Variants in ATG12 observed in about 807,000 individuals in gnomAD.
ATG12 encodes ubiquitin-like protein ATG12.
A neutral mutation model predicts 17.6 loss-of-function variants in ATG12; 19 were observed. The ratio of observed to expected loss-of-function variants is 1.08; its 90% confidence interval spans 0.75 to 1.58. The LOEUF is 1.58. Among genes scored for constraint, ATG12 ranks in the 40% most tolerant of loss-of-function variants. The pLI is 0.00. For synonymous variants in ATG12, 75 were observed against 62.4 expected, an observed-to-expected ratio of 1.20 and a Z score of -0.95; for missense variants, 214 against 162.0, an observed-to-expected ratio of 1.32 and a Z score of -1.74.
At chr5:115,841,222 C>A in intron 1 of ATG12, 168 bp downstream of exon 1, 1 of 844,612 alleles carries the variant, frequency 1.2e-6, no homozygotes, top group Non-Finnish European at 1.8e-6. Flanking sequence ...TAACACTCAA[C>A]TTAAAGGCCT....
intron 2 of ATG12, among the ~76,000 whole-genome samples, chr5:115,836,934 G>A (rs527860856): frequency 6.6e-6 from 1 of 152,266 alleles, no homozygotes; most frequent in Admixed American, 6.5e-5. Flanking sequence ...TTAACATGAA[G>A]TATTTCCTAG....
At chr5:115,840,647 A>C (rs757230935) in intron 1 of ATG12, 80 of 1,244,884 alleles carry the variant, frequency 6.4e-5, no homozygotes, top group Non-Finnish European at 7.6e-5. Context: ...CTAAGGACGA[A>C]ATCAGCCTCT....
At chr5:115,837,999 G>C in intron 1 of ATG12, 1 of 365,518 alleles carries the variant, frequency 2.7e-6, no homozygotes, top group Non-Finnish European at 4.9e-6. Flanking sequence ...TTAACAGGCA[G>C]TTCCAAAGAG....
chr5:115,840,489 A>C, intron 1 of ATG12: 1 of 522,146 alleles, frequency 1.9e-6, no homozygotes, highest in Non-Finnish European at 3.0e-6. Context: ...GTAGAGATGG[A>C]GTCTTACCAT....
chr5:115,838,120 C>A, intron 1 of ATG12: 1 of 188,812 alleles, frequency 5.3e-6, no homozygotes, highest in Non-Finnish European at 1.1e-5. Context: ...AGAGTAATTA[C>A]CAGTGTAGAT....
intron 3 of ATG12, among the ~76,000 whole-genome samples, chr5:115,832,256 T>C (rs1215054078): frequency 6.6e-6 from 1 of 152,144 alleles, no homozygotes; most frequent in Non-Finnish European, 1.5e-5. Context: ...TGTAGGCAGA[T>C]TTGGATAACA....
chr5:115,840,945 G>A (rs918099068), intron 1 of ATG12: 4 of 1,229,812 alleles, frequency 3.3e-6, no homozygotes, highest in Admixed American at 4.6e-5. Context: ...CTGGGAGGGG[G>A]AAAAAAGCAA....
intron 2 of ATG12, 182 bp from the exon 3 acceptor site, chr5:115,832,846 C>T: frequency 3.9e-6 from 2 of 508,524 alleles, no homozygotes; most frequent in Non-Finnish European, 6.7e-6. Context: ...ATTTTTCCTC[C>T]AGAGGAATAA....
intron 2 of ATG12, among the ~76,000 whole-genome samples, chr5:115,835,764 C>T (rs1299949065): frequency 8.5e-5 from 13 of 152,168 alleles, no homozygotes; most frequent in African/African-American, 3.1e-4. Flanking sequence ...TTTCTCAGTG[C>T]CGTCAGATGC....
Position 115,837,685 on chromosome 5 carries a change from G to A in ATG12, c.243C>T (p.Ile81=), listed in dbSNP as rs750269282. 12 of 1,613,440 alleles carry A rather than the reference G, an allele frequency of 7.4e-6. No homozygotes were observed. The South Asian group carries it at 1.3e-4, about 18-fold the overall frequency. The change falls in exon 2 of 4, where the codon ATC becomes ATT. Residue 81 remains isoleucine, a synonymous_variant. Transcript: ENST00000509910. ...TTTTGATGAAGTCAATGAGTCCTTG[G>A]ATGGTTCGTGTTCGCTCTACTGCCC... ...KKWAVERTRT[I]QGLIDFIKKF...
intron 2 of ATG12, chr5:115,834,501 C>G (rs1016389853): frequency 2.6e-5 from 4 of 152,160 alleles, no homozygotes; most frequent in Non-Finnish European, 4.4e-5. Flanking sequence ...CTTGGGCAGA[C>G]AAAATTAGTT....
intron 2 of ATG12, among the ~76,000 whole-genome samples, chr5:115,834,596 T>TA (rs1761014672): frequency 6.6e-6 from 1 of 152,214 alleles, no homozygotes; most frequent in African/African-American, 2.4e-5. Context: ...TGTCTCTAGT[T>TA]ATTCTGGTTA....
chr5:115,838,861 G>A (rs1171108724), intron 1 of ATG12: 1 of 152,280 alleles, frequency 6.6e-6, no homozygotes, highest in African/African-American at 2.4e-5. Context: ...GGCTGAGGCA[G>A]GAGGATCACT....
At position 115,829,029 on chromosome 5, in the gene ATG12, C is replaced by A. The variant is rs1445397174; in HGVS notation, c.*2775G>T. On this transcript the variant is annotated 3_prime_UTR_variant, in exon 4 of 4. Transcript: ENST00000509910. ...GAAGTAGATAACAGAAAACACAAGG[C>A]ATCTTCAAAGAATGGTGAATAATCC... is the stretch of plus-strand genomic sequence containing the variant. The A allele has an allele frequency of 2.0e-5, 3 of 152,170 alleles. No individual in the cohort carries two copies. Among genetic ancestry groups the A allele is most frequent in the African/African-American group, 7.2e-5 (3 of 41,436 alleles). 9.4% of individuals were successfully genotyped at this position (152,170 alleles called of 1,614,324 possible).
chr5:115,831,437 C>A lies in ATG12; in HGVS notation c.*367G>T. Reference sequence around the variant, plus strand: ...ATGTAAACATTAAAAAAAAAGGAACCCTTTAGTATATTAACTTTTACCATG... The same window carrying A: ...ATGTAAACATTAAAAAAAAAGGAACACTTTAGTATATTAACTTTTACCATG... On this transcript the variant is annotated 3_prime_UTR_variant, in exon 4 of 4. Coordinates refer to ENST00000509910, the MANE Select transcript of ATG12 (RefSeq NM_004707.4). 8.5e-6 allele frequency: 2 copies of A among 236,138 alleles called. No individual in the cohort carries two copies. The highest frequency in any genetic ancestry group is 5.6e-5 in the Admixed American group (1 of 17,914). The allele number at this position is 236,138 out of a possible 1,614,324, so 14.6% of individuals were successfully genotyped here.
chr5:115,841,402 T>G lies in ATG12; in HGVS notation c.151A>C (p.Thr51Pro). 1 of 1,611,818 alleles carries G rather than the reference T, an allele frequency of 6.2e-7. No homozygotes were observed. The highest frequency in any genetic ancestry group is 8.5e-7 in the Non-Finnish European group (1 of 1,179,598). Residue 51 changes from threonine (T) to proline (P), a missense_variant, in exon 1 of 4, where the codon ACC becomes CCC. Transcript: ENST00000509910. The stretch of plus-strand genomic sequence containing the variant: ...TAAATTCAGTTACTTTTTTTCTTGG[T>G]GTCGCCAGCAGGTTCCTCTGTTCCC... ...SPGTEEPAGD[T>P]KKKIDILLKA...
intron 1 of ATG12, 177 bp downstream of exon 1, chr5:115,841,213 A>G (rs1761444867): frequency 2.6e-6 from 2 of 768,448 alleles, no homozygotes; most frequent in Non-Finnish European, 4.2e-6. Context: ...ATGGTATTTT[A>G]ACACTCAACT....
intron 1 of ATG12, 139 bp downstream of exon 1, chr5:115,841,251 C>G (rs1015956752): frequency 1.7e-6 from 2 of 1,157,766 alleles, no homozygotes; most frequent in Admixed American, 2.7e-5. Context: ...AAAAAGTACA[C>G]TTCTTTTCTT....
At chr5:115,835,549 C>T (rs1761058876) in intron 2 of ATG12, among the ~76,000 whole-genome samples, 2 of 152,070 alleles carry the variant, frequency 1.3e-5, no homozygotes, top group South Asian at 4.1e-4. Flanking sequence ...ATTTTCATTT[C>T]ACTTCCTGAA....
Sources: gnomAD v4.1 joint callset for allele counts (sites outside exome capture counted in the v4.1 genomes callset) on GRCh38, gnomAD v4.1.1 for gene constraint, MANE v1.5 for transcripts, NCBI Gene and HGNC (gene_info 2026-07-23, HGNC 2026-07-21) for gene names.